Variants in RIN2 observed in about 807,000 individuals in gnomAD.
RIN2 encodes RAB5 interacting protein 2.
A neutral mutation model predicts 78.0 loss-of-function variants in RIN2; 36 were observed. The observed-to-expected ratio is 0.46, with a 90% CI of 0.35 to 0.61. The LOEUF (loss-of-function observed/expected upper bound fraction) is 0.61, where lower values mean the gene tolerates loss of function less well. RIN2 is among the 20% of genes least tolerant of loss of function. The pLI is 0.00. For missense variants in RIN2, 1,087 were observed against 1,159.7 expected, an observed-to-expected ratio of 0.94 and a Z score of 0.91; for synonymous variants, 466 against 466.8, an observed-to-expected ratio of 1.00 and a Z score of 0.02.
chr20:19,946,047 T>C (rs1432837188), intron 4 of RIN2, among the ~76,000 whole-genome samples: 1 of 152,204 alleles, frequency 6.6e-6, no homozygotes, highest in African/African-American at 2.4e-5. Context: ...CCCTGCCCGC[T>C]AAGCTCCTCC....
At chr20:19,994,045 G>A (rs2042880922) in intron 11 of RIN2, among the ~76,000 whole-genome samples, 1 of 152,226 alleles carries the variant, frequency 6.6e-6, no homozygotes, top group African/African-American at 2.4e-5. Flanking sequence ...GATTGGCCCA[G>A]GGCAAGGCCC....
At chr20:19,808,730 T>C (rs548445067) in intron 2 of RIN2, among the ~76,000 whole-genome samples, 13 of 152,316 alleles carry the variant, frequency 8.5e-5, no homozygotes, top group African/African-American at 3.1e-4. Context: ...GGCCTGCTGC[T>C]CGCCACGCAA....
rs557222994 is a variant in RIN2 at position 19,871,236 on chromosome 20, C to A, written c.-36-18330C>A. ...AGGACTAATTCATTTGGTGACACTT[C>A]TTTTTCTTTGAATTTATTTTGCAAG... On this transcript the variant is annotated intron_variant, in intron 2 of 12. Coordinates refer to ENST00000255006, the MANE Select transcript of RIN2 (RefSeq NM_018993.4). Among the ~76,000 whole-genome samples, 57 of 152,268 alleles carry A rather than the reference C, an allele frequency of 3.7e-4. No individual in the cohort carries two copies. The South Asian group carries it at 4.6e-3, about 12-fold the overall frequency.
chr20:19,917,676 A>C (rs1257489372), intron 3 of RIN2, among the ~76,000 whole-genome samples: 1 of 152,204 alleles, frequency 6.6e-6, no homozygotes, highest in Non-Finnish European at 1.5e-5. Flanking sequence ...ACTTTTCACA[A>C]CTTGTTTATT....
At position 19,975,546 on chromosome 20, in the gene RIN2, C is replaced by G; in HGVS notation, c.1521C>G (p.Phe507Leu). ...LQKVSGVFSSFMTPEKRMVRR... is the reference protein window; with the variant it reads ...LQKVSGVFSSLMTPEKRMVRR... ...AGGTGAGCGGGGTGTTCAGCTCCTTCATGACCCCGGAGAAGCGGATGGTCC... is the reference window on the plus strand; with the variant it reads ...AGGTGAGCGGGGTGTTCAGCTCCTTGATGACCCCGGAGAAGCGGATGGTCC... Residue 507 changes from phenylalanine (F) to leucine (L), a missense_variant, in exon 9 of 13, where the codon TTC (phenylalanine) becomes TTG (leucine). Physicochemically the swap from Phe to Leu is conservative, Grantham distance 22 (BLOSUM62 0). This residue lies in a region of RIN2 where 706 missense variants were observed against 667.5 expected (regional missense o/e 1.06). Coordinates refer to ENST00000255006, the MANE Select transcript of RIN2 (RefSeq NM_018993.4). The surrounding 1 kb of genome is among the most constrained non-coding windows in gnomAD (Gnocchi z 4.9). The G allele has an allele frequency of 1.2e-6, 2 of 1,614,078 alleles. No individual in the cohort carries two copies. Among genetic ancestry groups the G allele is most frequent in the Non-Finnish European group, 1.7e-6 (2 of 1,179,904 alleles).
chr20:19,906,314 T>C (rs188033649), intron 3 of RIN2, among the ~76,000 whole-genome samples: 13 of 152,230 alleles, frequency 8.5e-5, no homozygotes, highest in African/African-American at 2.6e-4. Context: ...CCAGGCATGG[T>C]GGCATGCACC....
intron 1 of RIN2, among the ~76,000 whole-genome samples, chr20:19,799,142 C>G (rs570986724): frequency 6.6e-6 from 1 of 152,084 alleles, no homozygotes; most frequent in Non-Finnish European, 1.5e-5. Context: ...CCCAAGCGAT[C>G]CACCCACCTC....
In RIN2 at chr20:19,935,200, G is replaced by T; in HGVS notation, c.158+1G>T. The T allele has an allele frequency of 6.3e-7, 1 of 1,593,768 alleles. No homozygotes were observed. Among genetic ancestry groups the T allele is most frequent in the Non-Finnish European group, 8.5e-7 (1 of 1,169,988 alleles). On this transcript the variant is annotated splice_donor_variant, in intron 4 of 12. Coordinates refer to ENST00000255006, the MANE Select transcript of RIN2 (RefSeq NM_018993.4). LOFTEE classifies it high-confidence loss of function. The stretch of plus-strand genomic sequence containing the variant: ...GCCTGGAACCCGCTGAAACCCACAG[G>T]TGACCAGAGACACGGTTAGGTGATG...
intron 7 of RIN2, 128 bp from the exon 8 acceptor site, chr20:19,970,710 G>A (rs573584178): frequency 4.2e-6 from 3 of 711,232 alleles, no homozygotes; most frequent in East Asian, 5.5e-5. Context: ...TAACTTTGTC[G>A]ATATGGTATG....
At chr20:19,983,575 A>G (rs2042528535) in intron 9 of RIN2, among the ~76,000 whole-genome samples, 1 of 151,460 alleles carries the variant, frequency 6.6e-6, no homozygotes, top group Admixed American at 6.6e-5. Flanking sequence ...ATCAAACATT[A>G]GCTTCTATTT....
intron 3 of RIN2, among the ~76,000 whole-genome samples, chr20:19,931,378 C>A (rs1043612519): frequency 6.6e-6 from 1 of 152,156 alleles, no homozygotes; most frequent in African/African-American, 2.4e-5. Context: ...TGGCCTCAAG[C>A]AGTTCTCCCA....
intron 3 of RIN2, among the ~76,000 whole-genome samples, chr20:19,918,315 T>C (rs2039766736): frequency 6.6e-6 from 1 of 151,820 alleles, no homozygotes; most frequent in Admixed American, 6.6e-5. Context: ...AGGGATAATT[T>C]TCAAAAAACG....
intron 1 of RIN2, among the ~76,000 whole-genome samples, chr20:19,785,297 C>CACACAT (rs1555817823): frequency 1.2e-4 from 18 of 152,100 alleles, no homozygotes; most frequent in African/African-American, 3.9e-4. Context: ...CACACACACA[C>CACACAT]ACACCAGAGC....
At position 19,759,031 on chromosome 20, in the gene RIN2, G is replaced by A. The variant is rs947583304; in HGVS notation, c.-163+704G>A. Among the ~76,000 whole-genome samples, 24 of 152,314 alleles carry A rather than the reference G, an allele frequency of 1.6e-4. No individual in the cohort carries two copies. The East Asian group carries it at 3.9e-3, about 25-fold the overall frequency. ...GACGGGGCCACTTTCCCACTTTGAG[G>A]CCTCCCCGCCCCCTTCTGGGCTTGG... is the stretch of plus-strand genomic sequence containing the variant. On this transcript the variant is annotated intron_variant, in intron 1 of 12. Coordinates refer to ENST00000255006, the MANE Select transcript of RIN2 (RefSeq NM_018993.4).
chr20:19,778,534 C>T (rs867862826), intron 1 of RIN2, among the ~76,000 whole-genome samples: 1 of 152,292 alleles, frequency 6.6e-6, no homozygotes, highest in African/African-American at 2.4e-5. Context: ...GGTCCCAAGT[C>T]ACAAATCCAA....
At chr20:19,996,886 TGCGGA>T (rs2042985301) in intron 12 of RIN2, 44 bp downstream of exon 12, 2 of 1,520,878 alleles carry the variant, frequency 1.3e-6, no homozygotes, top group African/African-American at 2.8e-5. Flanking sequence ...CCTCCAGGAA[TGCGGA>T]GCTGGCTCAC....
intron 3 of RIN2, among the ~76,000 whole-genome samples, chr20:19,908,288 G>A (rs192253750): frequency 9.9e-5 from 15 of 152,206 alleles, no homozygotes; most frequent in African/African-American, 2.4e-4. Context: ...TCAGGAGATC[G>A]AGACCATCCT....
intron 2 of RIN2, among the ~76,000 whole-genome samples, chr20:19,866,710 C>T (rs1391535053): frequency 6.6e-6 from 1 of 152,100 alleles, no homozygotes; most frequent in Non-Finnish European, 1.5e-5. Flanking sequence ...CTGCAAGTTC[C>T]ACCTCCCAGG....
At chr20:19,794,536 A>C (rs2034992465) in intron 1 of RIN2, among the ~76,000 whole-genome samples, 2 of 2,170 alleles carry the variant, frequency 9.2e-4, no homozygotes, top group South Asian at 0.024. Context: ...TGTATCCAAA[A>C]AAAAAAAAAA....
Sources: gnomAD v4.1 joint callset for allele counts (sites outside exome capture counted in the v4.1 genomes callset) on GRCh38, gnomAD v4.1.1 for gene constraint, gnomAD v4.1.1 regional missense constraint, Gnocchi (gnomAD v3.1) non-coding constraint, MANE v1.5 for transcripts, NCBI Gene and HGNC (gene_info 2026-07-23, HGNC 2026-07-21) for gene names.